Variants in ADK observed in about 807,000 individuals in gnomAD.
ADK encodes adenosine kinase.
In ADK, 24 loss-of-function variants were observed where a neutral mutation model predicts 44.7. The ratio of observed to expected loss-of-function variants is 0.54; its 90% CI spans 0.39 to 0.76. The LOEUF (loss-of-function observed/expected upper bound fraction) is 0.76. Among genes scored for constraint, ADK ranks in the 30% least tolerant of loss-of-function variants. The pLI is 0.00. For missense variants in ADK, 321 were observed against 425.1 expected, an observed-to-expected ratio of 0.76 and a Z score of 2.15; for synonymous variants, 128 against 142.6, an observed-to-expected ratio of 0.90 and a Z score of 0.73.
At chr10:74,294,175 TTGA>T (rs1256862799) in intron 3 of ADK, among the ~76,000 whole-genome samples, 6 of 152,236 alleles carry the variant, frequency 3.9e-5, no homozygotes, top group Admixed American at 6.5e-5. Flanking sequence ...TATTCTACTG[TTGA>T]TGATGAATAT....
intron 9 of ADK, among the ~76,000 whole-genome samples, chr10:74,636,253 G>A (rs1853618907): frequency 6.6e-6 from 1 of 152,128 alleles, no homozygotes; most frequent in African/African-American, 2.4e-5. Flanking sequence ...AACATTAATA[G>A]GTGATAAAGT....
chr10:74,647,088 CAT>C (rs1184506256), intron 9 of ADK, among the ~76,000 whole-genome samples: 2 of 151,174 alleles, frequency 1.3e-5, no homozygotes, highest in Admixed American at 6.6e-5. Context: ...AATTAATAAA[CAT>C]AGTCATTTCC....
At chr10:74,175,924 G>GT (rs1454491444) in intron 1 of ADK, among the ~76,000 whole-genome samples, 2 of 152,118 alleles carry the variant, frequency 1.3e-5, no homozygotes, top group African/African-American at 2.4e-5. Context: ...GCATTAAACT[G>GT]TAAGATTAGA....
At chr10:74,468,487 A>G (rs1846438161) in intron 6 of ADK, among the ~76,000 whole-genome samples, 1 of 152,200 alleles carries the variant, frequency 6.6e-6, no homozygotes, top group South Asian at 2.1e-4. Context: ...TTTATTATAT[A>G]TACTCTTTGC....
At chr10:74,292,958 G>A (rs562570654) in intron 3 of ADK, among the ~76,000 whole-genome samples, 1 of 151,952 alleles carries the variant, frequency 6.6e-6, no homozygotes, top group South Asian at 2.1e-4. Flanking sequence ...AAATGAGAAA[G>A]GTTTAAAAAT....
chr10:74,281,732 AAATATG>A (rs1453385407), intron 3 of ADK, among the ~76,000 whole-genome samples: 1 of 152,262 alleles, frequency 6.6e-6, no homozygotes. Context: ...CAGATTACAT[AAATATG>A]AAGATCAAAA....
chr10:74,264,632 A>G (rs935004441), intron 3 of ADK, among the ~76,000 whole-genome samples: 3 of 152,208 alleles, frequency 2.0e-5, no homozygotes, highest in Non-Finnish European at 4.4e-5. Context: ...TTAAAATGAA[A>G]TGTAATCACA....
chr10:74,151,368 G>T, intron 1 of ADK, 25 bp downstream of exon 1: 1 of 1,549,336 alleles, frequency 6.5e-7, no homozygotes, highest in South Asian at 1.2e-5. Context: ...ACTTGGGGAG[G>T]AGGGTGACGG....
At chr10:74,237,601 T>C (rs539457228) in intron 3 of ADK, among the ~76,000 whole-genome samples, 1 of 152,340 alleles carries the variant, frequency 6.6e-6, no homozygotes, top group East Asian at 1.9e-4. Flanking sequence ...GTTTGTCTGA[T>C]CCATCAGAGG....
chr10:74,674,136 G>A (rs546967848), intron 10 of ADK, among the ~76,000 whole-genome samples: 108 of 151,882 alleles, frequency 7.1e-4, no homozygotes, highest in Non-Finnish European at 1.3e-3. Context: ...TTTGGCTTTA[G>A]GATGGGGCGC....
chr10:74,315,369 A>T (rs963231361), intron 4 of ADK, among the ~76,000 whole-genome samples: 12 of 152,132 alleles, frequency 7.9e-5, no homozygotes, highest in African/African-American at 2.9e-4. Flanking sequence ...ACCGGTGTAT[A>T]TCTTTTATAA....
Position 74,708,508 on chromosome 10 carries a change from C to A in ADK, c.*63C>A. ...CTGCCCTAATTGCTTCCTGAGAATT[C>A]CCATATTAATAAAGAAGAAAATTAT... On this transcript the variant is annotated 3_prime_UTR_variant, in exon 11 of 11. Transcript: ENST00000539909. 4 of 1,575,582 alleles carry A rather than the reference C, an allele frequency of 2.5e-6. No homozygotes were observed. Among genetic ancestry groups the A allele is most frequent in the Non-Finnish European group, 3.4e-6 (4 of 1,160,134 alleles).
At chr10:74,160,690 G>GTGT (rs1841867550) in intron 1 of ADK, among the ~76,000 whole-genome samples, 1 of 136,234 alleles carries the variant, frequency 7.3e-6, no homozygotes, top group Non-Finnish European at 1.6e-5. Flanking sequence ...TGCAGGTAGG[G>GTGT]GTGTGTGTGT....
At chr10:74,182,002 C>G (rs781299937) in intron 1 of ADK, among the ~76,000 whole-genome samples, 6 of 152,198 alleles carry the variant, frequency 3.9e-5, no homozygotes, top group Non-Finnish European at 8.8e-5. Context: ...GTGGGTTAAG[C>G]CTACATTGGA....
At chr10:74,317,113 A>G (rs1840651157) in intron 4 of ADK, among the ~76,000 whole-genome samples, 1 of 152,208 alleles carries the variant, frequency 6.6e-6, no homozygotes, top group African/African-American at 2.4e-5. Flanking sequence ...ATGTCAAATC[A>G]TGTTTTTGAA....
chr10:74,584,100 A>G (rs988448547), intron 7 of ADK, among the ~76,000 whole-genome samples: 6 of 152,166 alleles, frequency 3.9e-5, no homozygotes, highest in African/African-American at 1.4e-4. Flanking sequence ...AGGGGAGGAG[A>G]ATGTACAAGG....
chr10:74,473,630 TTTTGAG>T (rs927651855), intron 6 of ADK, among the ~76,000 whole-genome samples: 24 of 152,294 alleles, frequency 1.6e-4, no homozygotes, highest in African/African-American at 5.8e-4. Flanking sequence ...AATTATGGGG[TTTTGAG>T]AATACCACCA....
intron 6 of ADK, among the ~76,000 whole-genome samples, chr10:74,456,470 C>A (rs1329796381): frequency 1.3e-5 from 2 of 151,808 alleles, no homozygotes; most frequent in African/African-American, 2.4e-5. Flanking sequence ...GTCAGGAGAT[C>A]GAGACCATCC....
intron 3 of ADK, among the ~76,000 whole-genome samples, chr10:74,289,155 A>G (rs1425834446): frequency 3.9e-5 from 6 of 152,220 alleles, no homozygotes; most frequent in Non-Finnish European, 8.8e-5. Flanking sequence ...TATATCAACA[A>G]ATAAATTCAC....
Sources: allele counts gnomAD v4.1 joint callset (sites outside exome capture counted in the v4.1 genomes callset), GRCh38; gene constraint gnomAD v4.1.1; transcripts MANE v1.5; gene names NCBI Gene and HGNC (gene_info 2026-07-23, HGNC 2026-07-21).